SMYD3: variants seen among roughly 807,000 people sequenced by gnomAD.
SMYD3 encodes histone-lysine N-methyltransferase SMYD3.
SMYD3 carries 36 observed loss-of-function variants against 57.7 expected under a neutral mutation model. The ratio of observed to expected loss-of-function variants is 0.62; its 90% CI spans 0.48 to 0.82. The LOEUF (loss-of-function observed/expected upper bound fraction) is 0.82, where lower values mean the gene tolerates loss of function less well. Among genes scored for constraint, SMYD3 ranks in the 40% least tolerant of loss-of-function variants. SMYD3 has a pLI of 0.00. For missense variants in SMYD3, 515 were observed against 538.8 expected (o/e 0.96, Z 0.44); for synonymous variants, 211 against 195.0 (o/e 1.08, Z -0.68).
chr1:246,320,322 A>G (rs2065225499), intron 5 of SMYD3, among the ~76,000 whole-genome samples: 1 of 152,182 alleles, frequency 6.6e-6, no homozygotes, highest in Non-Finnish European at 1.5e-5. Flanking sequence ...TTGGAAAAGC[A>G]AGCTCCGGAG....
At chr1:245,891,364 G>A (rs1572605526) in intron 8 of SMYD3, among the ~76,000 whole-genome samples, 1 of 152,256 alleles carries the variant, frequency 6.6e-6, no homozygotes, top group Middle Eastern at 3.4e-3. Context: ...CTACTCTGTA[G>A]CCATAAACAT....
At chr1:245,847,798 T>C (rs551221625) in intron 10 of SMYD3, among the ~76,000 whole-genome samples, 17 of 152,336 alleles carry the variant, frequency 1.1e-4, no homozygotes, top group African/African-American at 4.1e-4. Context: ...TGCTCAGTGA[T>C]GGCTTGTTCA....
chr1:246,032,171 G>A (rs540403609), intron 5 of SMYD3, among the ~76,000 whole-genome samples: 1 of 152,266 alleles, frequency 6.6e-6, no homozygotes, highest in African/African-American at 2.4e-5. Flanking sequence ...ATAATTAACT[G>A]TTGGGCAGGC....
chr1:245,859,788 T>C (rs1263421555), intron 9 of SMYD3, among the ~76,000 whole-genome samples: 1 of 152,246 alleles, frequency 6.6e-6, no homozygotes, highest in African/African-American at 2.4e-5. Flanking sequence ...AGATCAGAAA[T>C]GGCAGCCTAG....
intron 5 of SMYD3, among the ~76,000 whole-genome samples, chr1:246,018,768 CTT>C (rs200338008): frequency 1.1e-4 from 15 of 141,224 alleles, no homozygotes; most frequent in East Asian, 2.1e-4. Context: ...ACCATGCTGG[CTT>C]TTTTTTTTTT....
intron 8 of SMYD3, among the ~76,000 whole-genome samples, chr1:245,912,133 C>T (rs1350506213): frequency 6.6e-6 from 1 of 152,040 alleles, no homozygotes; most frequent in South Asian, 2.1e-4. Flanking sequence ...CCAAAATACC[C>T]TTAGAACTGA....
At chr1:245,868,035 G>A (rs1225777976) in intron 8 of SMYD3, among the ~76,000 whole-genome samples, 2 of 152,180 alleles carry the variant, frequency 1.3e-5, no homozygotes, top group Admixed American at 6.5e-5. Context: ...CAAATATCTA[G>A]CACAGTCTTA....
intron 5 of SMYD3, among the ~76,000 whole-genome samples, chr1:246,066,716 G>A (rs2060346612): frequency 6.6e-6 from 1 of 152,182 alleles, no homozygotes; most frequent in Non-Finnish European, 1.5e-5. Context: ...CTCCTTGTGT[G>A]TACTTAACCT....
At chr1:246,226,640 C>T (rs2148437108) in intron 5 of SMYD3, among the ~76,000 whole-genome samples, 1 of 152,292 alleles carries the variant, frequency 6.6e-6, no homozygotes. Flanking sequence ...GTCCACTTTC[C>T]TTCAAATATG....
intron 1 of SMYD3, among the ~76,000 whole-genome samples, chr1:246,455,283 T>A (rs994747801): frequency 8.5e-5 from 13 of 152,170 alleles, no homozygotes; most frequent in African/African-American, 3.1e-4. Flanking sequence ...GATAGAGAAT[T>A]GGAAAACCAC....
intron 5 of SMYD3, among the ~76,000 whole-genome samples, chr1:245,991,001 C>T (rs553964220): frequency 1.3e-5 from 2 of 152,236 alleles, no homozygotes; most frequent in Admixed American, 1.3e-4. Flanking sequence ...AAGTCACAAT[C>T]GTAAGTTGAA....
At chr1:246,188,700 C>A (rs2062684895) in intron 5 of SMYD3, among the ~76,000 whole-genome samples, 1 of 151,882 alleles carries the variant, frequency 6.6e-6, no homozygotes, top group African/African-American at 2.4e-5. Context: ...GTGGCTCATG[C>A]CTGTAATCCC....
At chr1:246,288,711 A>G (rs1553327078) in intron 5 of SMYD3, among the ~76,000 whole-genome samples, 2 of 152,216 alleles carry the variant, frequency 1.3e-5, no homozygotes, top group Non-Finnish European at 2.9e-5. Context: ...TTAAACTACA[A>G]GAAACAGAAG....
At chr1:245,805,061 G>C (rs2048086146) in intron 10 of SMYD3, among the ~76,000 whole-genome samples, 1 of 151,738 alleles carries the variant, frequency 6.6e-6, no homozygotes, top group Non-Finnish European at 1.5e-5. Flanking sequence ...TGATTCACAA[G>C]TACATGCGTT....
chr1:246,132,572 T>C (rs1258996987), intron 5 of SMYD3, among the ~76,000 whole-genome samples: 2 of 152,144 alleles, frequency 1.3e-5, no homozygotes, highest in African/African-American at 4.8e-5. Flanking sequence ...GGCATTGGCT[T>C]GAGCAATGAT....
At chr1:246,308,436 A>T (rs945005260) in intron 5 of SMYD3, among the ~76,000 whole-genome samples, 4 of 152,042 alleles carry the variant, frequency 2.6e-5, no homozygotes, top group Non-Finnish European at 5.9e-5. Flanking sequence ...ATTTTCCCCC[A>T]CTTCTTTACT....
At chr1:245,816,552 T>C (rs1437851278) in intron 10 of SMYD3, among the ~76,000 whole-genome samples, 1 of 142,558 alleles carries the variant, frequency 7.0e-6, no homozygotes, top group Non-Finnish European at 1.5e-5. Flanking sequence ...GGAGCCAAGA[T>C]GGCCGAATAG....
intron 5 of SMYD3, among the ~76,000 whole-genome samples, chr1:246,209,218 G>A (rs1020968642): frequency 3.3e-5 from 5 of 152,098 alleles, no homozygotes; most frequent in African/African-American, 1.2e-4. Flanking sequence ...CAAGAACGAG[G>A]TCAGAAATGG....
At chr1:246,015,937 A>G (rs1048489685) in intron 5 of SMYD3, among the ~76,000 whole-genome samples, 4 of 152,214 alleles carry the variant, frequency 2.6e-5, no homozygotes, top group Non-Finnish European at 4.4e-5. Context: ...CTGCTGGATC[A>G]TATAATAATT....
Sources: gnomAD v4.1 joint callset for allele counts (sites outside exome capture counted in the v4.1 genomes callset) on GRCh38, gnomAD v4.1.1 for gene constraint, MANE v1.5 for transcripts, NCBI Gene and HGNC (gene_info 2026-07-23, HGNC 2026-07-21) for gene names.